Variants in MARCHF6 observed in about 807,000 individuals in gnomAD.
The protein encoded by MARCHF6 is membrane associated ring-CH-type finger 6, also known as E3 ubiquitin-protein ligase MARCHF6.
Under a neutral mutation model 133.7 loss-of-function variants are expected in MARCHF6, and 31 were observed. The ratio of observed to expected loss-of-function variants is 0.23; its 90% CI spans 0.17 to 0.31. MARCHF6 has a LOEUF of 0.31. Ranked by LOEUF, MARCHF6 falls within the 10% of genes least tolerant of loss-of-function variation. The pLI, the probability that MARCHF6 is intolerant of heterozygous loss-of-function variation, is 1.00. For missense variants in MARCHF6, 723 were observed against 1,121.6 expected (o/e 0.64, Z 5.08); for synonymous variants, 395 against 402.5 (o/e 0.98, Z 0.22).
Position 10,440,233 on chromosome 5 carries a change from A to G in MARCHF6, c.*6549A>G, listed in dbSNP as rs937375129. 1 of 152,206 alleles carries G rather than the reference A, an allele frequency of 6.6e-6. No homozygotes were observed. Among genetic ancestry groups the G allele is most frequent in the Non-Finnish European group, 1.5e-5 (1 of 68,026 alleles). 9.4% of individuals were successfully genotyped at this position (152,206 alleles called of 1,614,324 possible). A position where few individuals can be genotyped will look rare whatever the true frequency, so the allele number is the denominator to read the frequency against. On this transcript the variant is annotated 3_prime_UTR_variant, in exon 26 of 26. Transcript: ENST00000274140. ...GTAATGCTAAGTTAGTAAATAAATG[A>G]TGAATTTAGAATCAAAATAATGTGT...
intron 5 of MARCHF6, 132 bp from the exon 6 acceptor site, chr5:10,390,200 C>CA: frequency 2.8e-6 from 2 of 708,682 alleles, no homozygotes; most frequent in Non-Finnish European, 4.6e-6. Context: ...GATTTTCATC[C>CA]AAAAAATTAT....
At chr5:10,368,026 G>A (rs1034466649) in intron 1 of MARCHF6, among the ~76,000 whole-genome samples, 6 of 152,010 alleles carry the variant, frequency 3.9e-5, no homozygotes, top group Non-Finnish European at 8.8e-5. Flanking sequence ...CGAATCTGAT[G>A]GGGGGGAGCC....
In MARCHF6 at chr5:10,400,972, G is replaced by A. The variant is rs184596276; in HGVS notation, c.972+130G>A. The A allele has an allele frequency of 1.7e-4, 114 of 664,390 alleles. 1 individual carries two copies. Among genetic ancestry groups the A allele is most frequent in the South Asian group, 1.4e-3 (68 of 48,818 alleles). The allele number at this position is 664,390 out of a possible 1,614,324, so 41.2% of individuals were successfully genotyped here. On this transcript the variant is annotated intron_variant, in intron 11 of 25. Coordinates refer to ENST00000274140, the MANE Select transcript of MARCHF6 (RefSeq NM_005885.4). ...TGCAAGGGAATAGTTAGGCAATACC[G>A]TCTCATTCTTTTTTAAAAAAAATAA...
intron 21 of MARCHF6, among the ~76,000 whole-genome samples, chr5:10,416,651 G>A (rs1739528647): frequency 6.6e-6 from 1 of 152,096 alleles, no homozygotes; most frequent in African/African-American, 2.4e-5. Flanking sequence ...GAGGTCATGA[G>A]GATCCAAGGC....
intron 1 of MARCHF6, among the ~76,000 whole-genome samples, chr5:10,368,404 C>G (rs1306023007): frequency 1.3e-5 from 2 of 152,078 alleles, no homozygotes; most frequent in Admixed American, 6.5e-5. Context: ...AGGCCAACAC[C>G]AGAGGATTGC....
chr5:10,397,382 T>C, intron 10 of MARCHF6, 38 bp downstream of exon 10: 4 of 1,471,206 alleles, frequency 2.7e-6, no homozygotes, highest in Non-Finnish European at 3.7e-6. Flanking sequence ...TATAGTATTA[T>C]GGTAGGAATT....
At chr5:10,393,597 C>T (rs572540480) in intron 7 of MARCHF6, among the ~76,000 whole-genome samples, 2 of 152,294 alleles carry the variant, frequency 1.3e-5, no homozygotes, top group East Asian at 1.9e-4. Flanking sequence ...TTTCTCCTTC[C>T]GTTCTTGCTC....
chr5:10,370,589 C>G (rs961811071), intron 1 of MARCHF6, among the ~76,000 whole-genome samples: 34 of 151,872 alleles, frequency 2.2e-4, no homozygotes, highest in African/African-American at 8.2e-4. Flanking sequence ...TTTTTTATTC[C>G]TCTTTCGGTG....
rs542897571 is a variant in MARCHF6, at chr5:10,370,556, T to G, written c.20-7242T>G. ...TTCTTGTGATTTAAATTTGCATTTC[T>G]TGAATGACTTGAACATTTAAAATTT... is the stretch of plus-strand genomic sequence containing the variant. On this transcript the variant is annotated intron_variant, in intron 1 of 25. Coordinates refer to ENST00000274140, the MANE Select transcript of MARCHF6 (RefSeq NM_005885.4). Among the ~76,000 whole-genome samples the G allele has an allele frequency of 2.6e-5, 4 of 152,372 alleles. No individual in the cohort carries two copies. The South Asian group carries it at 8.3e-4, about 32-fold the overall frequency.
At chr5:10,391,921 A>AG (rs1491370100) in intron 7 of MARCHF6, among the ~76,000 whole-genome samples, 190 bp downstream of exon 7, 2 of 149,492 alleles carry the variant, frequency 1.3e-5, no homozygotes, top group Non-Finnish European at 2.9e-5. Context: ...TCTATGAAAC[A>AG]GGGCATGTTT....
intron 6 of MARCHF6, 100 bp from the exon 7 acceptor site, chr5:10,391,442 T>A: frequency 2.2e-6 from 1 of 461,398 alleles, no homozygotes; most frequent in Non-Finnish European, 3.4e-6. Flanking sequence ...CTAGGTTTTT[T>A]TTTTTTTTTT....
At chr5:10,379,231 C>G (rs913152164) in intron 3 of MARCHF6, among the ~76,000 whole-genome samples, 2 of 151,770 alleles carry the variant, frequency 1.3e-5, no homozygotes, top group Non-Finnish European at 2.9e-5. Context: ...ATTTTTTTCT[C>G]TATTATTTAA....
intron 14 of MARCHF6, among the ~76,000 whole-genome samples, chr5:10,402,931 C>G (rs940693135): frequency 1.3e-5 from 2 of 152,084 alleles, no homozygotes; most frequent in African/African-American, 4.8e-5. Flanking sequence ...AGGAAACTGT[C>G]TTTGTAGTAA....
Position 10,438,328 on chromosome 5 carries a change from T to C in MARCHF6, c.*4644T>C, listed in dbSNP as rs1401638124. The C allele has an allele frequency of 1.3e-5, 2 of 152,248 alleles. No individual in the cohort carries two copies. The allele number at this position is 152,248 out of a possible 1,614,324, so 9.4% of individuals were successfully genotyped here. On this transcript the variant is annotated 3_prime_UTR_variant, in exon 26 of 26. Coordinates refer to ENST00000274140, the MANE Select transcript of MARCHF6 (RefSeq NM_005885.4). ...GCTTCAGACTATTTCTAATTTTTCT[T>C]TGTTTATAGGTTCAGAATTTTTTCC...
At chr5:10,404,859 G>A (rs563782906) in intron 15 of MARCHF6, among the ~76,000 whole-genome samples, 1 of 152,316 alleles carries the variant, frequency 6.6e-6, no homozygotes, top group South Asian at 2.1e-4. Context: ...ACTAAAGCAA[G>A]TACAGAAATG....
chr5:10,397,159 C>G, intron 9 of MARCHF6, 134 bp from the exon 10 acceptor site: 1 of 575,218 alleles, frequency 1.7e-6, no homozygotes, highest in Admixed American at 3.2e-5. Flanking sequence ...AGATTGAAAT[C>G]CCAAAACAAT....
Position 10,438,266 on chromosome 5 carries a change from G to C in MARCHF6, c.*4582G>C, listed in dbSNP as rs376683340. The C allele has an allele frequency of 6.6e-6, 1 of 152,260 alleles. No homozygotes were observed. The highest frequency in any genetic ancestry group is 1.9e-4 in the East Asian group (1 of 5,182). The allele number at this position is 152,260 out of a possible 1,614,324, so 9.4% of individuals were successfully genotyped here. ...GATAAAAAGGAAAGACTTGCGTGAT[G>C]TTTTTTTCCTTCTGAGTGCCCTGAG... On this transcript the variant is annotated 3_prime_UTR_variant, in exon 26 of 26. Transcript: ENST00000274140.
chr5:10,359,696 A>C (rs1735694413), intron 1 of MARCHF6, among the ~76,000 whole-genome samples: 2 of 152,178 alleles, frequency 1.3e-5, no homozygotes, highest in South Asian at 4.1e-4. Flanking sequence ...CTGAGTACTC[A>C]TAATACCTAG....
chr5:10,422,787 T>C (rs942324278), intron 22 of MARCHF6, among the ~76,000 whole-genome samples: 1 of 148,896 alleles, frequency 6.7e-6, no homozygotes, highest in East Asian at 1.9e-4. Context: ...GCAAAGTCCA[T>C]ATGAAAATGA....
Sources: gnomAD v4.1 joint callset for allele counts (sites outside exome capture counted in the v4.1 genomes callset) on GRCh38, gnomAD v4.1.1 for gene constraint, MANE v1.5 for transcripts, NCBI Gene and HGNC (gene_info 2026-07-23, HGNC 2026-07-21) for gene names.